Variants in THNSL1 observed in about 807,000 individuals in gnomAD.
THNSL1 encodes threonine synthase like 1.
A neutral mutation model predicts 50.4 loss-of-function variants in THNSL1; 48 were observed. That is an observed-to-expected ratio of 0.95 (90% CI 0.76 to 1.21). The LOEUF (loss-of-function observed/expected upper bound fraction) is 1.21. Ranked by LOEUF, THNSL1 falls within the 50% of genes most tolerant of loss-of-function variation. THNSL1 has a pLI of 0.00. For synonymous variants in THNSL1, 309 were observed against 306.1 expected (o/e 1.01, Z -0.10); for missense variants, 896 against 871.7 (o/e 1.03, Z -0.35).
At chr10:24,994,420 G>A in the THNSL1 span, among the ~76,000 whole-genome samples, 13 of 148,724 alleles carry the variant, frequency 8.7e-5, no homozygotes, top group East Asian at 2.2e-3. Flanking sequence ...TGCAACCCCC[G>A]CCTCCTGGGA....
chr10:24,980,562 T>A, the THNSL1 span, among the ~76,000 whole-genome samples: 13 of 152,210 alleles, frequency 8.5e-5, no homozygotes, highest in Non-Finnish European at 1.9e-4. Context: ...CACTATTATA[T>A]GCCCAGCAAC....
chr10:24,963,467 A>G, the THNSL1 span, among the ~76,000 whole-genome samples: 1 of 152,238 alleles, frequency 6.6e-6, no homozygotes, highest in Non-Finnish European at 1.5e-5. Flanking sequence ...TTTTAAAAGT[A>G]GCAGACTTTT....
chr10:25,017,208 TTTTGGTGTCCCTTG>T (rs2132737315), intron 1 of THNSL1, among the ~76,000 whole-genome samples: 1 of 152,340 alleles, frequency 6.6e-6, no homozygotes, highest in East Asian at 1.9e-4. Flanking sequence ...TTTGTCCAGT[TTTTGGTGTCCCTTG>T]TTGGAAAATT....
chr10:24,959,152 A>G, the THNSL1 span, among the ~76,000 whole-genome samples: 2 of 152,246 alleles, frequency 1.3e-5, no homozygotes, highest in Non-Finnish European at 2.9e-5. Context: ...TCTAAAGGAA[A>G]GATGTCCACT....
the THNSL1 span, among the ~76,000 whole-genome samples, chr10:24,992,291 AAAG>A: frequency 6.6e-6 from 1 of 152,202 alleles, no homozygotes; most frequent in Non-Finnish European, 1.5e-5. Context: ...GAAGTAAAAT[AAAG>A]AAGGATAGTG....
chr10:24,964,591 T>C, the THNSL1 span, among the ~76,000 whole-genome samples: 1 of 152,260 alleles, frequency 6.6e-6, no homozygotes, highest in African/African-American at 2.4e-5. Flanking sequence ...ATTTGCAGTT[T>C]ATAATATTAA....
chr10:24,992,082 C>A, the THNSL1 span, among the ~76,000 whole-genome samples: 2 of 152,176 alleles, frequency 1.3e-5, no homozygotes, highest in Non-Finnish European at 2.9e-5. Flanking sequence ...ATTCTTTCAG[C>A]TTAGTAAATG....
chr10:25,017,321 G>A (rs1850622656), intron 1 of THNSL1, among the ~76,000 whole-genome samples: 1 of 152,174 alleles, frequency 6.6e-6, no homozygotes, highest in Non-Finnish European at 1.5e-5. Context: ...AAGTCATTTA[G>A]ACGCTTTTAC....
chr10:24,995,883 C>T, the THNSL1 span: 1 of 1,586,750 alleles, frequency 6.3e-7, no homozygotes, highest in Non-Finnish European at 8.6e-7. Flanking sequence ...TTAAATATAA[C>T]ATTTCTTTGT....
At chr10:25,020,409 A>G (rs1850696444) in intron 1 of THNSL1, among the ~76,000 whole-genome samples, 1 of 152,162 alleles carries the variant, frequency 6.6e-6, no homozygotes, top group Non-Finnish European at 1.5e-5. Context: ...GTTTCCTTAC[A>G]ATCTACTTTT....
chr10:25,002,161 C>T, the THNSL1 span, among the ~76,000 whole-genome samples: 116 of 152,168 alleles, frequency 7.6e-4, 1 homozygote, highest in Non-Finnish European at 1.2e-3. Flanking sequence ...CTACTCAATG[C>T]CCTGTGTATT....
chr10:24,982,334 T>C, the THNSL1 span: 1 of 151,590 alleles, frequency 6.6e-6, no homozygotes, highest in African/African-American at 2.4e-5. Context: ...AGGTCTCTAG[T>C]ACCTCAGTAC....
At chr10:24,971,354 C>G in the THNSL1 span, among the ~76,000 whole-genome samples, 1 of 152,090 alleles carries the variant, frequency 6.6e-6, no homozygotes, top group Non-Finnish European at 1.5e-5. Context: ...ATCCTTCCAT[C>G]TAGGCTTCCC....
chr10:25,014,322 T>C (rs966888068), upstream of THNSL1, among the ~76,000 whole-genome samples: 7 of 152,194 alleles, frequency 4.6e-5, no homozygotes, highest in African/African-American at 2.4e-5. Context: ...AATGATTCTT[T>C]TGGCATCACA....
chr10:24,997,149 G>A, the THNSL1 span, among the ~76,000 whole-genome samples: 1 of 152,256 alleles, frequency 6.6e-6, no homozygotes, highest in African/African-American at 2.4e-5. Context: ...AGGAGTGTGA[G>A]GCTGCAGTGT....
At chr10:24,971,299 G>A in the THNSL1 span, among the ~76,000 whole-genome samples, 3,653 of 146,222 alleles carry the variant, frequency 0.025, 140 homozygotes, top group African/African-American at 0.085. Flanking sequence ...GAGACAGGTT[G>A]CCACTATGTT....
At chr10:24,957,903 C>T in the THNSL1 span, among the ~76,000 whole-genome samples, 3 of 152,232 alleles carry the variant, frequency 2.0e-5, no homozygotes, top group Non-Finnish European at 4.4e-5. Context: ...TCCTGTGCCA[C>T]TACCATGGTG....
chr10:24,977,719 CAT>C, the THNSL1 span, among the ~76,000 whole-genome samples: 10 of 152,106 alleles, frequency 6.6e-5, no homozygotes, highest in Non-Finnish European at 1.2e-4. Context: ...GAGGAATATA[CAT>C]ATGTGTGTAT....
At chr10:24,987,958 C>T in the THNSL1 span, among the ~76,000 whole-genome samples, 67 of 151,962 alleles carry the variant, frequency 4.4e-4, no homozygotes, top group African/African-American at 1.4e-3. Flanking sequence ...GATTGGCTCA[C>T]GCCTGTAATC....
Sources: gnomAD v4.1 joint callset for allele counts (sites outside exome capture counted in the v4.1 genomes callset) on GRCh38, gnomAD v4.1.1 for gene constraint, MANE v1.5 for transcripts, NCBI Gene and HGNC (gene_info 2026-07-23, HGNC 2026-07-21) for gene names.